SSMEM1: variants seen among roughly 807,000 people sequenced by gnomAD.
SSMEM1 encodes the protein serine rich single-pass membrane protein 1.
In SSMEM1, 12 loss-of-function variants were observed where a neutral mutation model predicts 9.9. The observed-to-expected ratio is 1.21, with a 90% CI of 0.78 to 1.96. SSMEM1 has a LOEUF of 1.96. Ranked by LOEUF, SSMEM1 falls within the 30% of genes most tolerant of loss-of-function variation. The pLI, the probability that SSMEM1 is intolerant of heterozygous loss-of-function variation, is 0.00. For synonymous variants in SSMEM1, 96 were observed against 98.9 expected, an observed-to-expected ratio of 0.97 and a Z score of 0.17; for missense variants, 259 against 292.2, an observed-to-expected ratio of 0.89 and a Z score of 0.83.
intron 1 of SSMEM1, among the ~76,000 whole-genome samples, chr7:130,213,193 C>A (rs760424557): frequency 2.6e-5 from 4 of 151,236 alleles, no homozygotes; most frequent in Non-Finnish European, 5.9e-5. Flanking sequence ...ACTAAAAATA[C>A]AAAAATTAGC....
chr7:130,211,622 G>A (rs186399965), intron 1 of SSMEM1, among the ~76,000 whole-genome samples: 17 of 152,158 alleles, frequency 1.1e-4, no homozygotes, highest in African/African-American at 2.2e-4. Context: ...TATAAATACC[G>A]AACTATGGCA....
intron 1 of SSMEM1, among the ~76,000 whole-genome samples, chr7:130,208,684 A>T (rs1286475903): frequency 6.6e-6 from 1 of 152,188 alleles, no homozygotes; most frequent in East Asian, 1.9e-4. Context: ...TGTCATATTG[A>T]TAGGATACAT....
In SSMEM1 at chr7:130,216,050, G is replaced by A. The variant is rs752202396; in HGVS notation, c.315G>A (p.Lys105=). 3 of 1,614,074 alleles carry A rather than the reference G, an allele frequency of 1.9e-6. No homozygotes were observed. The highest frequency in any genetic ancestry group is 3.3e-5 in the Admixed American group (2 of 59,998). The change falls in exon 3 of 3, where the codon AAG becomes AAA. Residue 105 remains lysine (K), a synonymous_variant. Transcript: ENST00000297819. Reference sequence around the variant, plus strand: ...CCTCACAAACAATGAAGAAACCAAAGCAGAACCAACTTACCCCTGTAACCA... The same window carrying A: ...CCTCACAAACAATGAAGAAACCAAAACAGAACCAACTTACCCCTGTAACCA... ...WDPSQTMKKP[K]QNQLTPVTNS...
At position 130,216,636 on chromosome 7, in the gene SSMEM1, C is replaced by CAAA; in HGVS notation, c.*175_*177dup. The CAAA allele has an allele frequency of 1.6e-6, 1 of 608,666 alleles. No individual in the cohort carries two copies. Among genetic ancestry groups the CAAA allele is most frequent in the South Asian group, 2.8e-5 (1 of 35,642 alleles). 37.7% of individuals were successfully genotyped at this position (608,666 alleles called of 1,614,324 possible). ...GTAAAATCTCACACAATTCTTCGTT[C>CAAA]AAAAAAAAAAAGGCCATCACGTGTT... On this transcript the variant is annotated 3_prime_UTR_variant, in exon 3 of 3. Transcript: ENST00000297819.
Sources: allele counts gnomAD v4.1 joint callset (sites outside exome capture counted in the v4.1 genomes callset), GRCh38; gene constraint gnomAD v4.1.1; transcripts MANE v1.5; gene names NCBI Gene and HGNC (gene_info 2026-07-23, HGNC 2026-07-21).